Variants in RYR1 observed in about 807,000 individuals in gnomAD.
RYR1 encodes ryanodine receptor 1, also known as central core disease of muscle.
RYR1 carries 342 observed loss-of-function variants against 583.5 expected under a neutral mutation model. That is an observed-to-expected ratio of 0.59 (90% CI 0.54 to 0.64). The LOEUF is 0.64. Among genes scored for constraint, RYR1 ranks in the 30% least tolerant of loss-of-function variants. The probability of loss-of-function intolerance (pLI) is 0.00; values close to 1 mark genes in which losing one functional copy is unlikely to be tolerated. For synonymous variants in RYR1, 2,791 were observed against 2,822.5 expected (o/e 0.99, Z 0.35); for missense variants, 6,032 against 6,917.2 (o/e 0.87, Z 4.54).
At position 38,460,347 on chromosome 19, in the gene RYR1, A is replaced by G. The variant is rs112123262; in HGVS notation, c.2361-28A>G. ...GACTGTCCCCCATAACCTCCCCTCA[A>G]TGATCCCCATTGTCCTTCCTTACCC... On this transcript the variant is annotated intron_variant, in intron 19 of 105. Coordinates refer to ENST00000359596, the MANE Select transcript of RYR1 (RefSeq NM_000540.3). 59 of 1,603,440 alleles carry G rather than the reference A, an allele frequency of 3.7e-5. No individual in the cohort carries two copies. In the Middle Eastern group the frequency reaches 6.6e-4, roughly 18 times the overall value.
At chr19:38,570,925 G>C (rs1484310375) in intron 94 of RYR1, among the ~76,000 whole-genome samples, 4 of 152,208 alleles carry the variant, frequency 2.6e-5, no homozygotes, top group Non-Finnish European at 4.4e-5. Flanking sequence ...GTGGGAGTTA[G>C]AGCAGGAGCA....
chr19:38,573,238 T>C lies in RYR1; in HGVS notation c.14060T>C (p.Leu4687Pro). Residue 4687 changes from leucine (L) to proline (P), a missense_variant, in exon 96 of 106, where the codon CTG becomes CCG. Around this residue, in one of 11 missense-constraint regions of RYR1, gnomAD observed 188 missense variants for 215.6 expected, o/e 0.87. Coordinates refer to ENST00000359596, the MANE Select transcript of RYR1 (RefSeq NM_000540.3). ...ELARKLEFDG[L>P]YITEQPEDDD... ...GCCCGGAAGCTGGAGTTTGATGGCC[T>C]GTACATCACGGAGCAGCCTGAGGAC... is the stretch of plus-strand genomic sequence containing the variant. 1 of 1,613,938 alleles carries C rather than the reference T, an allele frequency of 6.2e-7. No homozygotes were observed. Among genetic ancestry groups the C allele is most frequent in the Non-Finnish European group, 8.5e-7 (1 of 1,179,894 alleles).
rs1426129786 is a variant in RYR1, at chr19:38,561,850, T to C, written c.12624+396T>C. ...ACCTGCATGGCGACACACCCCTTGCTCACCTTCCCAGTAGCCCCCGGCGTG... is the reference window on the plus strand; with the variant it reads ...ACCTGCATGGCGACACACCCCTTGCCCACCTTCCCAGTAGCCCCCGGCGTG... On this transcript the variant is annotated intron_variant, in intron 90 of 105. Transcript: ENST00000359596. This position sits in a 1 kb window ranked among gnomAD's most constrained non-coding sequence, Gnocchi z 4.8. 6.6e-6 allele frequency among the ~76,000 whole-genome samples: 1 copy of C among 152,080 alleles called. No individual in the cohort carries two copies. The highest frequency in any genetic ancestry group is 2.4e-5 in the African/African-American group (1 of 41,428).
intron 84 of RYR1, among the ~76,000 whole-genome samples, chr19:38,539,263 A>G (rs1444987842): frequency 1.4e-5 from 2 of 140,178 alleles, no homozygotes; most frequent in Non-Finnish European, 3.0e-5. Context: ...TTTTTTAGAC[A>G]GAGTCTCACT....
chr19:38,513,167 G>A (rs1407624771), intron 63 of RYR1, among the ~76,000 whole-genome samples: 1 of 151,186 alleles, frequency 6.6e-6, no homozygotes, highest in African/African-American at 2.4e-5. Context: ...ATGAAACCTT[G>A]TCTCTACTAA....
intron 8 of RYR1, 63 bp downstream of exon 8, chr19:38,446,628 G>T: frequency 6.3e-7 from 1 of 1,595,810 alleles, no homozygotes; most frequent in South Asian, 1.1e-5. Flanking sequence ...GGGACCCTAT[G>T]AGTAGGATTA....
chr19:38,494,796 TCAGTG>T (rs1969732939), intron 39 of RYR1, among the ~76,000 whole-genome samples, 171 bp downstream of exon 39: 1 of 151,114 alleles, frequency 6.6e-6, no homozygotes, highest in Admixed American at 6.6e-5. Context: ...CTCTCCGCCC[TCAGTG>T]GTAGCAGCTC....
In RYR1 at chr19:38,502,894, C is replaced by T. The variant is rs780836747; in HGVS notation, c.7850C>T (p.Ser2617Leu). 1.8e-5 allele frequency: 29 copies of T among 1,611,314 alleles called. No individual in the cohort carries two copies. The highest frequency in any genetic ancestry group is 8.3e-5 in the Admixed American group (5 of 59,968). The change falls in exon 49 of 106, where the codon TCG becomes TTG. Residue 2617 changes from serine to leucine, a missense_variant. By Grantham distance (145) the Ser-to-Leu change is moderately radical. Transcript: ENST00000359596. ...TTGTCCCGCAGGTACATCCGCCCGT[C>T]GATGCTGCAGCACCTGTTGCGCCGC... is the stretch of plus-strand genomic sequence containing the variant. ...LMSLCRYIRP[S>L]MLQHLLRRLV...
intron 67 of RYR1, among the ~76,000 whole-genome samples, chr19:38,520,101 G>A (rs1033431599): frequency 3.5e-5 from 5 of 143,548 alleles, no homozygotes; most frequent in Non-Finnish European, 6.1e-5. Context: ...ATTGAGACAG[G>A]GTCTCTCTCT....
intron 81 of RYR1, 189 bp from the exon 82 acceptor site, chr19:38,535,808 T>C: frequency 1.5e-6 from 1 of 673,132 alleles, no homozygotes; most frequent in Non-Finnish European, 2.7e-6. Context: ...AGCTTGCGCA[T>C]GGTTCATCCT....
intron 79 of RYR1, 109 bp from the exon 80 acceptor site, chr19:38,535,032 C>A: frequency 8.4e-7 from 1 of 1,195,358 alleles, no homozygotes; most frequent in Non-Finnish European, 1.2e-6. Flanking sequence ...CACCTTGGCA[C>A]ACTCTTAAAT....
chr19:38,511,658 C>T (rs1340500757), intron 61 of RYR1, 48 bp downstream of exon 61: 4 of 1,593,980 alleles, frequency 2.5e-6, no homozygotes, highest in Admixed American at 1.7e-5. Context: ...TTTCTCTTCC[C>T]CACCCTGAAG....
intron 33 of RYR1, among the ~76,000 whole-genome samples, chr19:38,485,214 G>T (rs560113176): frequency 6.6e-6 from 1 of 152,030 alleles, no homozygotes; most frequent in African/African-American, 2.4e-5. Context: ...AGACTCTTAC[G>T]AAGTCCCAGA....
At chr19:38,490,004 G>A in intron 35 of RYR1, 72 bp from the exon 36 acceptor site, 1 of 1,501,980 alleles carries the variant, frequency 6.7e-7, no homozygotes, top group Non-Finnish European at 9.2e-7. Flanking sequence ...GGGAGAGGAA[G>A]CAAGAGAAGT....
At chr19:38,508,255 G>A (rs1182759199) in intron 58 of RYR1, among the ~76,000 whole-genome samples, 1 of 151,814 alleles carries the variant, frequency 6.6e-6, no homozygotes, top group Non-Finnish European at 1.5e-5. Flanking sequence ...TGCTGCCCAG[G>A]CTGGAGTGCA....
chr19:38,462,378 G>T (rs1967799476), intron 20 of RYR1, among the ~76,000 whole-genome samples: 1 of 152,140 alleles, frequency 6.6e-6, no homozygotes, highest in African/African-American at 2.4e-5. Flanking sequence ...ATCTGCGGGG[G>T]TGACTTCATC....
chr19:38,480,169 G>T (rs1285592677), intron 31 of RYR1, among the ~76,000 whole-genome samples: 1 of 152,000 alleles, frequency 6.6e-6, no homozygotes, highest in East Asian at 1.9e-4. Flanking sequence ...TTGAGAGAGG[G>T]TCTCCCTCTG....
rs748514443 is a variant in RYR1, at chr19:38,512,473, T to A, written c.9462T>A (p.Asp3154Glu). 4 of 1,611,676 alleles carry A rather than the reference T, an allele frequency of 2.5e-6. No individual in the cohort carries two copies. Among genetic ancestry groups the A allele is most frequent in the Non-Finnish European group, 3.4e-6 (4 of 1,180,018 alleles). ...FQHIAQHQFG[D>E]DVILDDVQVS... ...ACATCGCCCAGCACCAGTTCGGAGA[T>A]GACGTCATCCGTAAGGGCGCCTGAC... The change falls in exon 63 of 106, where the codon GAT becomes GAA. Residue 3154 changes from aspartate to glutamate, a missense_variant. Physicochemically the swap from Asp to Glu is conservative, Grantham distance 45. Transcript: ENST00000359596. This position sits in a 1 kb window ranked among gnomAD's most constrained non-coding sequence, Gnocchi z 5.1.
intron 33 of RYR1, among the ~76,000 whole-genome samples, chr19:38,484,221 G>C (rs1256587723): frequency 6.6e-6 from 1 of 152,134 alleles, no homozygotes; most frequent in African/African-American, 2.4e-5. Context: ...AAACCCAGGA[G>C]GCGGAGGTTG....
Sources: allele counts gnomAD v4.1 joint callset (sites outside exome capture counted in the v4.1 genomes callset), GRCh38; gene constraint gnomAD v4.1.1; regional missense constraint gnomAD v4.1.1; non-coding constraint Gnocchi (gnomAD v3.1); transcripts MANE v1.5; gene names NCBI Gene and HGNC (gene_info 2026-07-23, HGNC 2026-07-21).